The following CHCHD6 variants were observed in gnomAD, a reference collection of about 807,000 sequenced individuals.
The protein encoded by CHCHD6 is coiled-coil-helix-coiled-coil-helix domain containing 6.
A neutral mutation model predicts 32.3 loss-of-function variants in CHCHD6; 28 were observed. The ratio of observed to expected loss-of-function variants is 0.87; its 90% CI spans 0.64 to 1.19. The LOEUF (loss-of-function observed/expected upper bound fraction) is 1.19. CHCHD6 is among the 50% of genes most tolerant of loss of function. The pLI is 0.00. For synonymous variants in CHCHD6, 122 were observed against 117.5 expected (o/e 1.04, Z -0.25); for missense variants, 333 against 307.0 (o/e 1.08, Z -0.63).
intron 4 of CHCHD6, among the ~76,000 whole-genome samples, chr3:126,833,190 A>G (rs1477217012): frequency 6.6e-6 from 1 of 152,174 alleles, no homozygotes; most frequent in Non-Finnish European, 1.5e-5. Flanking sequence ...CTCAAAGCAG[A>G]GTAAAAGCCC....
Position 126,748,998 on chromosome 3 carries a change from G to T in CHCHD6, c.411+15776G>T, listed in dbSNP as rs556175409. 2.6e-5 allele frequency among the ~76,000 whole-genome samples: 4 copies of T among 152,342 alleles called. No individual in the cohort carries two copies. The East Asian group carries it at 7.7e-4, about 29-fold the overall frequency. On this transcript the variant is annotated intron_variant, in intron 4 of 7. Coordinates refer to ENST00000290913, the MANE Select transcript of CHCHD6 (RefSeq NM_032343.3). Reference sequence around the variant, plus strand: ...GATTGAGGTCAGCTAATGCTTCTCTGAGGAGTGGACATGTGAGCCGCGACC... The same window carrying T: ...GATTGAGGTCAGCTAATGCTTCTCTTAGGAGTGGACATGTGAGCCGCGACC...
intron 4 of CHCHD6, among the ~76,000 whole-genome samples, chr3:126,747,354 C>T (rs970964125): frequency 1.6e-4 from 24 of 152,228 alleles, no homozygotes; most frequent in Non-Finnish European, 3.1e-4. Context: ...CATACACGTT[C>T]GGTTTTCCCA....
At chr3:126,816,495 C>T (rs1234885667) in intron 4 of CHCHD6, among the ~76,000 whole-genome samples, 3 of 152,152 alleles carry the variant, frequency 2.0e-5, no homozygotes, top group South Asian at 4.1e-4. Context: ...GCCAGGAAAG[C>T]GTCCCTTCAG....
At chr3:126,866,710 C>T (rs889678698) in intron 5 of CHCHD6, among the ~76,000 whole-genome samples, 27 of 152,236 alleles carry the variant, frequency 1.8e-4, no homozygotes, top group African/African-American at 6.5e-4. Flanking sequence ...CCTTTCTTTC[C>T]TTGTCCCCCA....
rs775651098 is a variant in CHCHD6, at chr3:126,704,297, C to T, written c.-16C>T. The T allele has an allele frequency of 1.6e-5, 26 of 1,599,228 alleles. No individual in the cohort carries two copies. The highest frequency in any genetic ancestry group is 2.1e-5 in the Non-Finnish European group (25 of 1,174,644). Reference sequence around the variant, plus strand: ...GGTCTCGGGTCTGGTGGCTGCCGGCCCTGCGGCATCTCGCCATGGGGAGCA... The same window carrying T: ...GGTCTCGGGTCTGGTGGCTGCCGGCTCTGCGGCATCTCGCCATGGGGAGCA... On this transcript the variant is annotated 5_prime_UTR_variant, in exon 1 of 8. Transcript: ENST00000290913.
chr3:126,787,269 G>A (rs1471541885), intron 4 of CHCHD6, among the ~76,000 whole-genome samples: 43 of 152,160 alleles, frequency 2.8e-4, no homozygotes, highest in African/African-American at 7.7e-4. Context: ...GATGCCTCCA[G>A]CTTTGTTCTT....
chr3:126,926,105 GTCTT>G (rs1428836741), intron 6 of CHCHD6, among the ~76,000 whole-genome samples: 2 of 152,190 alleles, frequency 1.3e-5, no homozygotes, highest in African/African-American at 2.4e-5. Flanking sequence ...GCTCAAATGT[GTCTT>G]TCTTTATAAA....
intron 4 of CHCHD6, among the ~76,000 whole-genome samples, chr3:126,845,855 C>G (rs956055031): frequency 6.6e-6 from 1 of 152,138 alleles, no homozygotes; most frequent in Non-Finnish European, 1.5e-5. Flanking sequence ...TAAAAATCCT[C>G]TTTCATAAAA....
intron 4 of CHCHD6, among the ~76,000 whole-genome samples, chr3:126,817,208 G>A (rs7626935): frequency 0.036 from 5,458 of 152,178 alleles, 302 homozygotes; most frequent in African/African-American, 0.12. Flanking sequence ...TCTGCAGAAT[G>A]TTCTTGCCTG....
At chr3:126,957,886 G>A in intron 7 of CHCHD6, 1 of 415,496 alleles carries the variant, frequency 2.4e-6, no homozygotes, top group Non-Finnish European at 4.5e-6. Flanking sequence ...TTAGCCCTCG[G>A]CACTTAGGGG....
rs887755260 is a variant in CHCHD6 at position 126,903,943 on chromosome 3, C to T, written c.496-10737C>T. Reference sequence around the variant, plus strand: ...AGGGGATCCCATCCTGGTCTGCAGGCCCTGGGTCTAGGTAGGATGAGATTT... The same window carrying T: ...AGGGGATCCCATCCTGGTCTGCAGGTCCTGGGTCTAGGTAGGATGAGATTT... On this transcript the variant is annotated intron_variant, in intron 5 of 7. Coordinates refer to ENST00000290913, the MANE Select transcript of CHCHD6 (RefSeq NM_032343.3). 5.3e-5 allele frequency among the ~76,000 whole-genome samples: 8 copies of T among 152,322 alleles called. No homozygotes were observed. In the East Asian group the frequency reaches 1.4e-3, roughly 26 times the overall value.
At chr3:126,788,144 T>C (rs1938320919) in intron 4 of CHCHD6, among the ~76,000 whole-genome samples, 1 of 152,216 alleles carries the variant, frequency 6.6e-6, no homozygotes, top group African/African-American at 2.4e-5. Flanking sequence ...TTTGCGTATG[T>C]TGAACCAGCC....
At position 126,764,671 on chromosome 3, in the gene CHCHD6, A is replaced by G. The variant is rs1937292790; in HGVS notation, c.411+31449A>G. 2.6e-5 allele frequency among the ~76,000 whole-genome samples: 4 copies of G among 152,086 alleles called. No individual in the cohort carries two copies. The South Asian group carries it at 6.2e-4, about 24-fold the overall frequency. On this transcript the variant is annotated intron_variant, in intron 4 of 7. Coordinates refer to ENST00000290913, the MANE Select transcript of CHCHD6 (RefSeq NM_032343.3). Reference sequence around the variant, plus strand: ...TAGGACTTCGGGTGCTGCGTCCTCAACCCTCTGGGTGACCACAACTCAAAG... The same window carrying G: ...TAGGACTTCGGGTGCTGCGTCCTCAGCCCTCTGGGTGACCACAACTCAAAG...
chr3:126,735,006 G>C (rs572107808), intron 4 of CHCHD6, among the ~76,000 whole-genome samples: 1 of 152,312 alleles, frequency 6.6e-6, no homozygotes, highest in East Asian at 1.9e-4. Context: ...GATGCAGTGA[G>C]AAACCGGGGC....
intron 4 of CHCHD6, among the ~76,000 whole-genome samples, chr3:126,825,103 A>G (rs75332092): frequency 0.018 from 2,745 of 152,168 alleles, 31 homozygotes; most frequent in Middle Eastern, 0.051. Context: ...ACAATTTGGT[A>G]TATCACATTT....
chr3:126,853,097 T>C (rs1295159825), intron 5 of CHCHD6, among the ~76,000 whole-genome samples: 1 of 152,146 alleles, frequency 6.6e-6, no homozygotes, highest in Non-Finnish European at 1.5e-5. Context: ...AAAATAATAA[T>C]AACGTGATGT....
chr3:126,943,791 T>C (rs1179290186), intron 6 of CHCHD6, among the ~76,000 whole-genome samples: 1 of 151,964 alleles, frequency 6.6e-6, no homozygotes, highest in Admixed American at 6.6e-5. Flanking sequence ...AGGAAGACAG[T>C]AGAGGGAGGG....
At chr3:126,719,416 A>G (rs745917206) in intron 1 of CHCHD6, among the ~76,000 whole-genome samples, 5 of 152,166 alleles carry the variant, frequency 3.3e-5, no homozygotes, top group Non-Finnish European at 7.4e-5. Context: ...CCATCACTTT[A>G]TGATAGCCGT....
intron 3 of CHCHD6, 75 bp from the exon 4 acceptor site, chr3:126,733,003 C>T (rs566439377): frequency 1.0e-4 from 160 of 1,526,518 alleles, no homozygotes; most frequent in African/African-American, 8.2e-4. Flanking sequence ...GAAGTGAGTG[C>T]GCAGATCTTG....
Sources: gnomAD v4.1 joint callset for allele counts (sites outside exome capture counted in the v4.1 genomes callset) on GRCh38, gnomAD v4.1.1 for gene constraint, MANE v1.5 for transcripts, NCBI Gene and HGNC (gene_info 2026-07-23, HGNC 2026-07-21) for gene names.